Variants in RRM1 observed in about 807,000 individuals in gnomAD.
RRM1 encodes ribonucleoside-diphosphate reductase large subunit.
Under a neutral mutation model 101.5 loss-of-function variants are expected in RRM1, and 19 were observed. The ratio of observed to expected loss-of-function variants is 0.19; its 90% CI spans 0.13 to 0.27. The LOEUF (loss-of-function observed/expected upper bound fraction) is 0.27. Ranked by LOEUF, RRM1 falls within the 10% of genes least tolerant of loss-of-function variation. RRM1 has a pLI of 1.00. For missense variants in RRM1, 500 were observed against 962.9 expected (o/e 0.52, Z 6.36); for synonymous variants, 298 against 323.4 (o/e 0.92, Z 0.84).
Position 4,138,509 on chromosome 11 carries a change from T to A in RRM1, c.*126T>A, listed in dbSNP as rs1590738945. On this transcript the variant is annotated 3_prime_UTR_variant, in exon 19 of 19. Transcript: ENST00000300738. ...ACCCTGTTGCAGGCAAAAGGAGTAA[T>A]TGATTTAAAGTACTGTTAATGATGA... The A allele has an allele frequency of 3.8e-6, 2 of 533,080 alleles. No individual in the cohort carries two copies. Among genetic ancestry groups the A allele is most frequent in the Admixed American group, 4.3e-5 (1 of 23,504 alleles). The allele number at this position is 533,080 out of a possible 1,614,324, so 33.0% of individuals were successfully genotyped here. A position where few individuals can be genotyped will look rare whatever the true frequency, so the allele number is the denominator to read the frequency against.
At chr11:4,108,081 T>C (rs2094560638) in intron 4 of RRM1, among the ~76,000 whole-genome samples, 1 of 152,184 alleles carries the variant, frequency 6.6e-6, no homozygotes, top group African/African-American at 2.4e-5. Flanking sequence ...AATTCAAAAT[T>C]TTGATAGGCA....
At chr11:4,122,308 G>C (rs766844480) in intron 11 of RRM1, 88 bp downstream of exon 11, 1 of 960,372 alleles carries the variant, frequency 1.0e-6, no homozygotes, top group Non-Finnish European at 1.6e-6. Flanking sequence ...TACTTGTCAA[G>C]AATCTTTTGA....
chr11:4,129,732 C>T (rs2094595860), intron 15 of RRM1, among the ~76,000 whole-genome samples: 3 of 151,706 alleles, frequency 2.0e-5, no homozygotes, highest in South Asian at 2.1e-4. Context: ...TGTTTTCTAT[C>T]GTGATGACTT....
chr11:4,114,217 C>A (rs1202905278), intron 7 of RRM1, among the ~76,000 whole-genome samples: 1 of 151,924 alleles, frequency 6.6e-6, no homozygotes, highest in Non-Finnish European at 1.5e-5. Context: ...GCTTGTAGGA[C>A]TGAAAATTGC....
At chr11:4,110,794 T>G (rs2094564345) in intron 5 of RRM1, among the ~76,000 whole-genome samples, 1 of 149,368 alleles carries the variant, frequency 6.7e-6, no homozygotes, top group Non-Finnish European at 1.5e-5. Context: ...AAAAAGTGCC[T>G]GTAACAGACC....
rs72555771 is a variant in RRM1 at position 4,106,298 on chromosome 11, T to C, written c.286+75T>C. ...AAGGGTACTAGAAATAAATCTTGAC[T>C]GTTTAAAGAAGCAAATATGGCTAGA... is the stretch of plus-strand genomic sequence containing the variant. On this transcript the variant is annotated intron_variant, in intron 3 of 18. Coordinates refer to ENST00000300738, the MANE Select transcript of RRM1 (RefSeq NM_001033.5). The C allele has an allele frequency of 1.2e-4, 153 of 1,321,462 alleles. No homozygotes were observed. In the African/African-American group the frequency reaches 2.1e-3, roughly 18 times the overall value. The allele number at this position is 1,321,462 out of a possible 1,614,324, so 81.9% of individuals were successfully genotyped here.
At chr11:4,097,786 A>C (rs1040654898) in intron 1 of RRM1, among the ~76,000 whole-genome samples, 1 of 152,186 alleles carries the variant, frequency 6.6e-6, no homozygotes, top group Non-Finnish European at 1.5e-5. Flanking sequence ...AACAAGGGCA[A>C]CTGGAAGTTG....
intron 7 of RRM1, 57 bp downstream of exon 7, chr11:4,112,119 C>T: frequency 7.4e-7 from 1 of 1,348,760 alleles, no homozygotes; most frequent in Non-Finnish European, 1.0e-6. Flanking sequence ...GCAGTTAGTT[C>T]ATCACATAAA....
intron 1 of RRM1, among the ~76,000 whole-genome samples, chr11:4,095,506 G>A (rs2094542363): frequency 6.6e-6 from 1 of 150,662 alleles, no homozygotes; most frequent in South Asian, 2.1e-4. Flanking sequence ...GGGGCAGCTA[G>A]GAAAGAAGGA....
intron 12 of RRM1, among the ~76,000 whole-genome samples, chr11:4,125,774 T>C (rs2165728): frequency 0.4 from 61,181 of 152,004 alleles, 12,782 homozygotes; most frequent in African/African-American, 0.52. Context: ...TCCCCAGTAC[T>C]CTCTGTCTTC....
chr11:4,119,907 T>C lies in RRM1; in HGVS notation c.855T>C (p.Tyr285=), dbSNP rs760053077. ...MLRVYNNTAR[Y]VDQGGNKRPG... ...GAGTATATAACAACACAGCTCGATA[T>C]GTGGATCAAGGTGGGAACAAGGTAT... The change falls in exon 9 of 19, where the codon TAT becomes TAC. Residue 285 remains tyrosine (Y), a synonymous_variant. Transcript: ENST00000300738. 1.3e-6 allele frequency: 2 copies of C among 1,599,854 alleles called. No individual in the cohort carries two copies. The highest frequency in any genetic ancestry group is 2.7e-5 in the African/African-American group (2 of 74,834).
intron 4 of RRM1, among the ~76,000 whole-genome samples, chr11:4,108,121 C>G (rs188940346): frequency 4.8e-4 from 73 of 152,266 alleles, no homozygotes; most frequent in Admixed American, 2.8e-3. Flanking sequence ...AAAGGTTGCT[C>G]AGGTAAAATT....
chr11:4,115,579 G>A (rs193239802), intron 7 of RRM1, among the ~76,000 whole-genome samples: 2 of 150,346 alleles, frequency 1.3e-5, no homozygotes, highest in African/African-American at 4.9e-5. Context: ...TTTTTGAGAT[G>A]GAGTTTCGCT....
At chr11:4,126,854 T>C (rs1013784335) in intron 13 of RRM1, 21 bp downstream of exon 13, 1 of 1,559,160 alleles carries the variant, frequency 6.4e-7, no homozygotes, top group African/African-American at 1.4e-5. Flanking sequence ...ATTTCTCTGC[T>C]TATTGGTAAT....
intron 1 of RRM1, among the ~76,000 whole-genome samples, chr11:4,097,403 C>T (rs1483238014): frequency 1.3e-5 from 2 of 151,602 alleles, no homozygotes. Flanking sequence ...GTAGATTCTG[C>T]CATTGTAGCA....
intron 15 of RRM1, among the ~76,000 whole-genome samples, chr11:4,131,743 A>C (rs1029773764): frequency 2.6e-5 from 4 of 152,218 alleles, no homozygotes; most frequent in African/African-American, 9.6e-5. Context: ...ATAATTGAAG[A>C]ATATACTTTG....
chr11:4,099,196 GCA>G (rs1405410033), intron 1 of RRM1: 1 of 151,952 alleles, frequency 6.6e-6, no homozygotes, highest in East Asian at 1.9e-4. Context: ...AGGCTGGAGT[GCA>G]GTGGTGTGAT....
At position 4,127,388 on chromosome 11, in the gene RRM1, GT is replaced by G. The variant is rs975222476; in HGVS notation, c.1692+133del. The G allele has an allele frequency of 4.0e-4, 219 of 545,716 alleles. 2 individuals are homozygous for G. In the Middle Eastern group the frequency reaches 4.9e-3, roughly 12 times the overall value. 33.8% of individuals were successfully genotyped at this position (545,716 alleles called of 1,614,324 possible). On this transcript the variant is annotated intron_variant, in intron 14 of 18. Coordinates refer to ENST00000300738, the MANE Select transcript of RRM1 (RefSeq NM_001033.5). ...TTAATTTCATTTGGTTCAAAAAAAGGTATTTTGCAGATGTAATTAAGAACCT... is the reference window on the plus strand; with the variant it reads ...TTAATTTCATTTGGTTCAAAAAAAGGATTTTGCAGATGTAATTAAGAACCT...
At chr11:4,105,578 C>CTTTTTTTT (rs55705631) in intron 2 of RRM1, 123 of 281,674 alleles carry the variant, frequency 4.4e-4, no homozygotes, top group Middle Eastern at 1.4e-3. Flanking sequence ...TTTTTCTTTC[C>CTTTTTTTT]TTTTTTTTTT....
Sources: gnomAD v4.1 joint callset for allele counts (sites outside exome capture counted in the v4.1 genomes callset) on GRCh38, gnomAD v4.1.1 for gene constraint, MANE v1.5 for transcripts, NCBI Gene and HGNC (gene_info 2026-07-23, HGNC 2026-07-21) for gene names.